The following SPTLC2 variants were observed in gnomAD, a reference collection of about 807,000 sequenced individuals.
SPTLC2 encodes the protein serine palmitoyltransferase long chain base subunit 2.
A neutral mutation model predicts 62.0 loss-of-function variants in SPTLC2; 21 were observed. That is an observed-to-expected ratio of 0.34 (90% CI 0.24 to 0.49). SPTLC2 has a LOEUF of 0.49. Ranked by LOEUF, SPTLC2 falls within the 20% of genes least tolerant of loss-of-function variation. The probability of loss-of-function intolerance (pLI) is 0.99; values close to 1 mark genes in which losing one functional copy is unlikely to be tolerated. For synonymous variants in SPTLC2, 261 were observed against 261.8 expected (o/e 1.00, Z 0.03); for missense variants, 511 against 713.0 (o/e 0.72, Z 3.23).
At chr14:77,531,862 G>A (rs1447832207) in intron 9 of SPTLC2, among the ~76,000 whole-genome samples, 1 of 152,076 alleles carries the variant, frequency 6.6e-6, no homozygotes, top group Non-Finnish European at 1.5e-5. Flanking sequence ...GTATATTTAT[G>A]AAAACTGTAT....
At chr14:77,525,581 C>T (rs111248493) in intron 9 of SPTLC2, among the ~76,000 whole-genome samples, 4,226 of 144,728 alleles carry the variant, frequency 0.029, 220 homozygotes, top group African/African-American at 0.1. Context: ...AAGAGTGAAA[C>T]TCCGTCTCGA....
intron 7 of SPTLC2, 22 bp from the exon 8 acceptor site, chr14:77,555,541 T>C (rs1168898595): frequency 3.7e-6 from 6 of 1,608,404 alleles, no homozygotes; most frequent in African/African-American, 2.7e-5. Flanking sequence ...TGAAAAAATA[T>C]ATATATACAC....
chr14:77,554,140 A>G (rs750274341), intron 8 of SPTLC2, among the ~76,000 whole-genome samples: 1 of 152,200 alleles, frequency 6.6e-6, no homozygotes, highest in Non-Finnish European at 1.5e-5. Flanking sequence ...AATACTCCGA[A>G]TATTGAGTGG....
chr14:77,562,964 C>T (rs1367882960), intron 5 of SPTLC2, among the ~76,000 whole-genome samples: 1 of 152,118 alleles, frequency 6.6e-6, no homozygotes, highest in African/African-American at 2.4e-5. Flanking sequence ...TAACTTTTTC[C>T]CCACATAGCA....
intron 1 of SPTLC2, among the ~76,000 whole-genome samples, chr14:77,605,623 G>C (rs1353265471): frequency 6.6e-6 from 1 of 152,168 alleles, no homozygotes; most frequent in Non-Finnish European, 1.5e-5. Flanking sequence ...ATGATAACTG[G>C]GGCTTGCCAT....
chr14:77,568,162 CCATTT>C (rs2079656740), intron 5 of SPTLC2, among the ~76,000 whole-genome samples: 1 of 152,166 alleles, frequency 6.6e-6, no homozygotes. Flanking sequence ...GGTTACATTT[CCATTT>C]AGTTCAAAAT....
At chr14:77,580,527 C>A in intron 2 of SPTLC2, among the ~76,000 whole-genome samples, 1 of 139,488 alleles carries the variant, frequency 7.2e-6, no homozygotes. Flanking sequence ...AGGTTCTTTT[C>A]CCTTTAGAAA....
At chr14:77,598,656 G>A (rs1034421564) in intron 1 of SPTLC2, among the ~76,000 whole-genome samples, 5 of 152,186 alleles carry the variant, frequency 3.3e-5, no homozygotes, top group Admixed American at 1.3e-4. Context: ...TCCAGGCTGG[G>A]TGCAGTGGCG....
At chr14:77,546,824 T>C (rs1332995506) in intron 9 of SPTLC2, among the ~76,000 whole-genome samples, 1 of 152,026 alleles carries the variant, frequency 6.6e-6, no homozygotes, top group East Asian at 1.9e-4. Flanking sequence ...CAACCTCCTG[T>C]GTTCAAGCAA....
In SPTLC2 at chr14:77,509,902, A is replaced by C; in HGVS notation, c.*2382T>G. On this transcript the variant is annotated 3_prime_UTR_variant, in exon 12 of 12. Transcript: ENST00000216484. The stretch of plus-strand genomic sequence containing the variant: ...AACAAAGTGATATAGATATATTTTA[A>C]ATGCCGGTACTGACATTTGAATTTG... 1 of 398,440 alleles carries C rather than the reference A, an allele frequency of 2.5e-6. No homozygotes were observed. Among genetic ancestry groups the C allele is most frequent in the Non-Finnish European group, 4.4e-6 (1 of 225,984 alleles). The allele number at this position is 398,440 out of a possible 1,614,324, so 24.7% of individuals were successfully genotyped here.
chr14:77,549,134 G>A (rs1452936983), intron 9 of SPTLC2, among the ~76,000 whole-genome samples: 1 of 151,736 alleles, frequency 6.6e-6, no homozygotes, highest in South Asian at 2.1e-4. Flanking sequence ...ATGGCTTGCT[G>A]CCATCCTTGG....
rs1566763234 is a variant in SPTLC2, at chr14:77,506,273, A to T, written c.*6011T>A. ...TTTTATTTACACATCCCCTTCTCTC[A>T]GTTTCCCAGGTTATATGAACATTAC... On this transcript the variant is annotated 3_prime_UTR_variant, in exon 12 of 12. Transcript: ENST00000216484. The T allele has an allele frequency of 6.6e-6, 1 of 152,240 alleles. No individual in the cohort carries two copies. The highest frequency in any genetic ancestry group is 2.4e-5 in the African/African-American group (1 of 41,464). 9.4% of individuals were successfully genotyped at this position (152,240 alleles called of 1,614,324 possible).
At chr14:77,568,890 T>C (rs12880891) in intron 5 of SPTLC2, among the ~76,000 whole-genome samples, 85,082 of 151,370 alleles carry the variant, frequency 0.56, 24,963 homozygotes, top group East Asian at 0.91. Context: ...TTTCATCAAT[T>C]TCTGCTTCAC....
At chr14:77,587,055 T>C (rs1234312789) in intron 2 of SPTLC2, among the ~76,000 whole-genome samples, 1 of 152,144 alleles carries the variant, frequency 6.6e-6, no homozygotes, top group African/African-American at 2.4e-5. Flanking sequence ...GAAACCCGTC[T>C]GTACTAAAAA....
chr14:77,509,966 G>T lies in SPTLC2; in HGVS notation c.*2318C>A, dbSNP rs1191406669. On this transcript the variant is annotated 3_prime_UTR_variant, in exon 12 of 12. Coordinates refer to ENST00000216484, the MANE Select transcript of SPTLC2 (RefSeq NM_004863.4). Reference sequence around the variant, plus strand: ...CAAGCCAAAATAAAAAGACTAGCAGGTAAGTTCATTGCTTATAAGTTTGTG... The same window carrying T: ...CAAGCCAAAATAAAAAGACTAGCAGTTAAGTTCATTGCTTATAAGTTTGTG... 2.5e-6 allele frequency: 1 copy of T among 398,344 alleles called. No individual in the cohort carries two copies. Among genetic ancestry groups the T allele is most frequent in the African/African-American group, 2.1e-5 (1 of 48,736 alleles). The allele number at this position is 398,344 out of a possible 1,614,324, so 24.7% of individuals were successfully genotyped here.
At chr14:77,516,650 C>T (rs1401992596) in intron 11 of SPTLC2, among the ~76,000 whole-genome samples, 1 of 151,902 alleles carries the variant, frequency 6.6e-6, no homozygotes, top group African/African-American at 2.4e-5. Flanking sequence ...AAAAAAGATA[C>T]AATATCAAAA....
At chr14:77,586,632 C>T (rs1042895396) in intron 2 of SPTLC2, among the ~76,000 whole-genome samples, 3 of 152,002 alleles carry the variant, frequency 2.0e-5, no homozygotes, top group Admixed American at 6.6e-5. Context: ...CTATGCTAAG[C>T]GAAAGACAAG....
chr14:77,538,447 A>C (rs1311287194), intron 9 of SPTLC2, among the ~76,000 whole-genome samples: 1 of 152,248 alleles, frequency 6.6e-6, no homozygotes, highest in Non-Finnish European at 1.5e-5. Context: ...TAAACTTGAA[A>C]TAATAAGACA....
At chr14:77,602,130 C>T (rs143967406) in intron 1 of SPTLC2, among the ~76,000 whole-genome samples, 1 of 152,320 alleles carries the variant, frequency 6.6e-6, no homozygotes, top group African/African-American at 2.4e-5. Flanking sequence ...TATAGCCTCT[C>T]TAGTGAATTC....
Sources: gnomAD v4.1 joint callset for allele counts (sites outside exome capture counted in the v4.1 genomes callset) on GRCh38, gnomAD v4.1.1 for gene constraint, MANE v1.5 for transcripts, NCBI Gene and HGNC (gene_info 2026-07-23, HGNC 2026-07-21) for gene names.